Variants in KCNAB1 observed in about 807,000 individuals in gnomAD.
The protein encoded by KCNAB1 is voltage-gated potassium channel subunit beta-1.
A neutral mutation model predicts 64.6 loss-of-function variants in KCNAB1; 35 were observed. That is an observed-to-expected ratio of 0.54 (90% CI 0.41 to 0.72). The LOEUF (loss-of-function observed/expected upper bound fraction) is 0.72. Among genes scored for constraint, KCNAB1 ranks in the 30% least tolerant of loss-of-function variants. KCNAB1 has a pLI of 0.00. For missense variants in KCNAB1, 401 were observed against 512.9 expected, an observed-to-expected ratio of 0.78 and a Z score of 2.11; for synonymous variants, 177 against 183.8, an observed-to-expected ratio of 0.96 and a Z score of 0.30.
At chr3:156,300,639 A>AT (rs1486123891) in intron 1 of KCNAB1, among the ~76,000 whole-genome samples, 1 of 152,194 alleles carries the variant, frequency 6.6e-6, no homozygotes, top group Non-Finnish European at 1.5e-5. Context: ...TGTTTTTCAT[A>AT]TTTTGAATTA....
chr3:156,308,658 G>C (rs750445311), intron 1 of KCNAB1, among the ~76,000 whole-genome samples: 1 of 152,222 alleles, frequency 6.6e-6, no homozygotes, highest in Admixed American at 6.5e-5. Flanking sequence ...ATACGTTCTT[G>C]ATGCTGGCCA....
At chr3:156,223,449 G>A (rs1715919598) in intron 1 of KCNAB1, among the ~76,000 whole-genome samples, 1 of 152,200 alleles carries the variant, frequency 6.6e-6, no homozygotes, top group South Asian at 2.1e-4. Flanking sequence ...ACAGGGTGCT[G>A]ATTGGTGCAT....
chr3:156,472,334 TGTGCCTTCAG>T (rs1421579594), intron 7 of KCNAB1, among the ~76,000 whole-genome samples: 1 of 152,204 alleles, frequency 6.6e-6, no homozygotes, highest in Non-Finnish European at 1.5e-5. Context: ...CCTTCACTCT[TGTGCCTTCAG>T]GTCCCTCTCA....
chr3:156,234,051 T>C (rs189825895), intron 1 of KCNAB1, among the ~76,000 whole-genome samples: 2 of 152,014 alleles, frequency 1.3e-5, no homozygotes, highest in East Asian at 3.9e-4. Context: ...AGGCATCAGC[T>C]CATACATGAT....
rs1186102676 is a variant in KCNAB1, at chr3:156,537,805, A to AATG, written c.*1059_*1061dup. ...AATTAGCACTGGGATTTTATAATAT[A>AATG]ATGTTTGGTATTTTTGAGGCATTGT... On this transcript the variant is annotated 3_prime_UTR_variant, in exon 14 of 14. Coordinates refer to ENST00000490337, the MANE Select transcript of KCNAB1 (RefSeq NM_172160.3). 2.4e-4 allele frequency: 36 copies of AATG among 152,604 alleles called. No individual in the cohort carries two copies. Among genetic ancestry groups the AATG allele is most frequent in the African/African-American group, 2.4e-5 (1 of 41,442 alleles). 9.5% of individuals were successfully genotyped at this position (152,604 alleles called of 1,614,324 possible).
chr3:156,506,056 A>G (rs1716815366), intron 8 of KCNAB1, among the ~76,000 whole-genome samples: 1 of 152,188 alleles, frequency 6.6e-6, no homozygotes, highest in South Asian at 2.1e-4. Context: ...TCCAAACCAT[A>G]TCACTTGGTA....
chr3:156,361,386 A>G (rs1346501401), intron 1 of KCNAB1, among the ~76,000 whole-genome samples: 2 of 151,842 alleles, frequency 1.3e-5, no homozygotes, highest in Admixed American at 6.6e-5. Flanking sequence ...TTCCTACTCC[A>G]CATACCCCTT....
intron 1 of KCNAB1, among the ~76,000 whole-genome samples, chr3:156,258,193 T>C (rs916637805): frequency 1.3e-5 from 2 of 152,182 alleles, no homozygotes; most frequent in Admixed American, 1.3e-4. Flanking sequence ...CTCTCATTGA[T>C]GGAGCTGGGT....
chr3:156,253,496 A>T (rs1439395653), intron 1 of KCNAB1, among the ~76,000 whole-genome samples: 1 of 152,244 alleles, frequency 6.6e-6, no homozygotes, highest in Admixed American at 6.5e-5. Flanking sequence ...CACAGACCAC[A>T]AAAGATTACC....
chr3:156,255,746 C>A (rs1048787714), intron 1 of KCNAB1, among the ~76,000 whole-genome samples: 18 of 152,170 alleles, frequency 1.2e-4, no homozygotes, highest in African/African-American at 4.1e-4. Context: ...TCACCTCCTC[C>A]ATGCAGCCTT....
intron 1 of KCNAB1, among the ~76,000 whole-genome samples, chr3:156,194,355 T>A (rs76600586): frequency 0.037 from 5,671 of 152,240 alleles, 142 homozygotes; most frequent in Non-Finnish European, 0.055. Context: ...TTTCACTTAA[T>A]ATAGAATTAC....
chr3:156,524,225 G>A (rs546952829), intron 12 of KCNAB1: 6 of 282,074 alleles, frequency 2.1e-5, no homozygotes, highest in Admixed American at 1.1e-4. Flanking sequence ...TGTCAGGGGT[G>A]AACTGTGTAG....
intron 8 of KCNAB1, among the ~76,000 whole-genome samples, chr3:156,479,158 C>T (rs151006242): frequency 1.8e-3 from 268 of 152,216 alleles, no homozygotes; most frequent in Admixed American, 3.2e-3. Context: ...GTTTTCCAGT[C>T]CTAGAAAAAA....
At chr3:156,474,943 T>A in intron 8 of KCNAB1, 123 bp downstream of exon 8, 1 of 792,718 alleles carries the variant, frequency 1.3e-6, no homozygotes, top group Admixed American at 2.1e-5. Context: ...AATAAAAATG[T>A]TTCTGACTGA....
chr3:156,272,146 T>C (rs572100898), intron 1 of KCNAB1, among the ~76,000 whole-genome samples: 1 of 152,364 alleles, frequency 6.6e-6, no homozygotes, highest in African/African-American at 2.4e-5. Context: ...TTGTACTCGG[T>C]CTGACTTGGA....
chr3:156,242,179 T>C (rs562026799), intron 1 of KCNAB1, among the ~76,000 whole-genome samples: 93 of 152,328 alleles, frequency 6.1e-4, no homozygotes, highest in African/African-American at 2.2e-3. Context: ...ATCTGTAAAC[T>C]CTCATGTCCT....
At chr3:156,226,810 G>A (rs1029168490) in intron 1 of KCNAB1, among the ~76,000 whole-genome samples, 2 of 152,152 alleles carry the variant, frequency 1.3e-5, no homozygotes, top group Admixed American at 6.5e-5. Context: ...GCCAAGCCCA[G>A]CACTCCTCCT....
At chr3:156,224,793 A>G (rs1319239948) in intron 1 of KCNAB1, among the ~76,000 whole-genome samples, 4 of 152,346 alleles carry the variant, frequency 2.6e-5, no homozygotes, top group South Asian at 4.1e-4. Context: ...TGCTATGAAC[A>G]CCTTTACATG....
chr3:156,410,001 A>G (rs956437822), intron 1 of KCNAB1, among the ~76,000 whole-genome samples: 17 of 152,236 alleles, frequency 1.1e-4, no homozygotes, highest in Admixed American at 2.0e-4. Context: ...GCATCTTAGT[A>G]GCTACTGAGT....
Sources: allele counts gnomAD v4.1 joint callset (sites outside exome capture counted in the v4.1 genomes callset), GRCh38; gene constraint gnomAD v4.1.1; transcripts MANE v1.5; gene names NCBI Gene and HGNC (gene_info 2026-07-23, HGNC 2026-07-21).